RGS3: variants seen among roughly 807,000 people sequenced by gnomAD.
The protein encoded by RGS3 is regulator of G protein signaling 3.
In RGS3, 80 loss-of-function variants were observed where a neutral mutation model predicts 132.6. That is an observed-to-expected ratio of 0.60 (90% confidence interval 0.50 to 0.73). RGS3 has a LOEUF of 0.73. Ranked by LOEUF, RGS3 falls within the 30% of genes least tolerant of loss-of-function variation. The probability of loss-of-function intolerance (pLI) is 0.00; values close to 1 mark genes in which losing one functional copy is unlikely to be tolerated. For missense variants in RGS3, 1,382 were observed against 1,530.8 expected (o/e 0.90, Z 1.62); for synonymous variants, 598 against 620.6 (o/e 0.96, Z 0.54).
At chr9:113,581,080 A>G (rs939686837) in intron 19 of RGS3, 30 of 825,892 alleles carry the variant, frequency 3.6e-5, no homozygotes, top group Middle Eastern at 6.4e-4. Context: ...GAGGGGCCCC[A>G]GGGAGCTGGC....
intron 10 of RGS3, 89 bp downstream of exon 8, chr9:113,498,169 A>G: frequency 8.7e-6 from 10 of 1,149,196 alleles, no homozygotes; most frequent in East Asian, 2.4e-5. Flanking sequence ...AAGGGGCAGC[A>G]TTTGGTGCTT....
chr9:113,529,846 G>C (rs913923896), intron 18 of RGS3, among the ~76,000 whole-genome samples: 1 of 152,232 alleles, frequency 6.6e-6, no homozygotes, highest in Non-Finnish European at 1.5e-5. Context: ...CAGAAGCTTA[G>C]ATAGGCAGTG....
intron 19 of RGS3, among the ~76,000 whole-genome samples, chr9:113,555,485 A>G (rs879422248): frequency 6.9e-6 from 1 of 145,946 alleles, no homozygotes; most frequent in African/African-American, 2.6e-5. Flanking sequence ...TTTTTTTTTT[A>G]AAGACAGAGT....
Position 113,591,208 on chromosome 9 carries a change from C to T in RGS3, c.3016-125C>T, listed in dbSNP as rs1039485249. On this transcript the variant is annotated intron_variant, in intron 20 of 24. Transcript: ENST00000350696. The surrounding 1 kb of genome is among the most constrained non-coding windows in gnomAD (Gnocchi z 4.4). ...GGGTTTCCCTCCCTCACCTGTGTGC[C>T]GCGGGTGGGGGCTTTGGGGATGGAA... 3.0e-5 allele frequency: 24 copies of T among 793,390 alleles called. No individual in the cohort carries two copies. Among genetic ancestry groups the T allele is most frequent in the South Asian group, 1.4e-4 (9 of 62,246 alleles). 49.1% of individuals were successfully genotyped at this position (793,390 alleles called of 1,614,324 possible).
intron 1 of RGS3, among the ~76,000 whole-genome samples, chr9:113,451,530 A>G (rs969699282): frequency 6.6e-6 from 1 of 152,118 alleles, no homozygotes; most frequent in African/African-American, 2.4e-5. Flanking sequence ...GACTACACAT[A>G]TCTATATTAT....
intron 19 of RGS3, among the ~76,000 whole-genome samples, chr9:113,563,071 C>T (rs753146269): frequency 7.9e-5 from 12 of 152,224 alleles, no homozygotes; most frequent in Non-Finnish European, 1.5e-4. Flanking sequence ...CCTATCCTGG[C>T]CTGGCAGGCT....
chr9:113,542,679 A>T (rs1344106515), intron 19 of RGS3, among the ~76,000 whole-genome samples: 2 of 151,822 alleles, frequency 1.3e-5, no homozygotes, highest in East Asian at 3.9e-4. Flanking sequence ...CTCGTGGGGG[A>T]TAGTGGGGGC....
chr9:113,448,687 G>A (rs1267053237), intron 1 of RGS3, among the ~76,000 whole-genome samples: 1 of 152,052 alleles, frequency 6.6e-6, no homozygotes, highest in African/African-American at 2.4e-5. Context: ...TAAATATCCG[G>A]CACCTCACTG....
At chr9:113,477,930 A>T (rs1447206094) in intron 3 of RGS3, among the ~76,000 whole-genome samples, 1 of 152,142 alleles carries the variant, frequency 6.6e-6, no homozygotes, top group Admixed American at 6.5e-5. Flanking sequence ...GGGTGGACTG[A>T]GTTCAGCAGC....
chr9:113,547,327 A>G (rs1261572240), intron 19 of RGS3, among the ~76,000 whole-genome samples: 1 of 152,206 alleles, frequency 6.6e-6, no homozygotes, highest in Admixed American at 6.5e-5. Flanking sequence ...TACTCATCAC[A>G]CATAGGTATA....
intron 19 of RGS3, chr9:113,582,087 CT>C (rs1386137338): frequency 2.0e-6 from 2 of 985,370 alleles, no homozygotes; most frequent in African/African-American, 1.7e-5. Context: ...AGCGTGACCC[CT>C]GACACGTGTG....
Position 113,594,535 on chromosome 9 carries a change from G to A in RGS3, c.3182+4G>A. The stretch of plus-strand genomic sequence containing the variant: ...ACAAAATGATGAAGTCATTCAAGTA[G>A]GTCCTCCCTGGCACCCTGGGACCCT... On this transcript the variant is annotated splice_donor_region_variant and intron_variant, in intron 22 of 24. Coordinates refer to ENST00000350696, the Ensembl canonical transcript of RGS3. 1.2e-6 allele frequency: 2 copies of A among 1,611,658 alleles called. No homozygotes were observed. Among genetic ancestry groups the A allele is most frequent in the Non-Finnish European group, 1.7e-6 (2 of 1,178,464 alleles).
At chr9:113,546,446 T>C (rs537655476) in intron 19 of RGS3, among the ~76,000 whole-genome samples, 12 of 152,224 alleles carry the variant, frequency 7.9e-5, no homozygotes, top group Non-Finnish European at 1.6e-4. Flanking sequence ...ATTCTATTGT[T>C]GTCCGGTCCG....
At chr9:113,544,788 C>G (rs79649866) in intron 19 of RGS3, among the ~76,000 whole-genome samples, 2,078 of 152,276 alleles carry the variant, frequency 0.014, 42 homozygotes, top group African/African-American at 0.048. Context: ...CAAGCCAAGG[C>G]CTTTGAACCT....
In RGS3 at chr9:113,591,254, T is replaced by C. The variant is rs886069641; in HGVS notation, c.3016-79T>C. The C allele has an allele frequency of 7.7e-6, 10 of 1,306,288 alleles. No individual in the cohort carries two copies. The Middle Eastern group carries it at 7.5e-4, about 98-fold the overall frequency. 80.9% of individuals were successfully genotyped at this position (1,306,288 alleles called of 1,614,324 possible). On this transcript the variant is annotated intron_variant, in intron 20 of 24. Transcript: ENST00000350696. This position sits in a 1 kb window ranked among gnomAD's most constrained non-coding sequence, Gnocchi z 4.4. The stretch of plus-strand genomic sequence containing the variant: ...TGGAAGGGGCTGGTGGCAGGGAATG[T>C]TGGGTCTCTGAGCCTCTGTTTACTT...
At chr9:113,517,411 G>A (rs1452866437) in intron 15 of RGS3, 130 bp from the exon 14 acceptor site, 7 of 747,188 alleles carry the variant, frequency 9.4e-6, no homozygotes, top group Middle Eastern at 2.6e-4. Flanking sequence ...TCTCGGGTCG[G>A]TGGCGGGCTG....
At chr9:113,529,319 G>T in intron 18 of RGS3, 55 bp downstream of exon 16, 2 of 1,372,946 alleles carry the variant, frequency 1.5e-6, no homozygotes, top group Non-Finnish European at 2.1e-6. Context: ...GTGCTTGAGG[G>T]GAGACACTGG....
chr9:113,536,397 G>A (rs1832676065), intron 18 of RGS3: 1 of 759,174 alleles, frequency 1.3e-6, no homozygotes, highest in Non-Finnish European at 1.6e-6. Context: ...GGGAGGTGGG[G>A]AGGGTTCCTG....
At chr9:113,585,461 A>T (rs1835072005) in intron 20 of RGS3, among the ~76,000 whole-genome samples, 1 of 152,212 alleles carries the variant, frequency 6.6e-6, no homozygotes, top group Non-Finnish European at 1.5e-5. Flanking sequence ...CAGCCAGTGC[A>T]AGGTGTTGGT....
Sources: gnomAD v4.1 joint callset for allele counts (sites outside exome capture counted in the v4.1 genomes callset) on GRCh38, gnomAD v4.1.1 for gene constraint, Gnocchi (gnomAD v3.1) non-coding constraint, MANE v1.5 for transcripts, NCBI Gene and HGNC (gene_info 2026-07-23, HGNC 2026-07-21) for gene names.